GAS2: variants seen among roughly 807,000 people sequenced by gnomAD.
GAS2 encodes growth arrest-specific protein 2.
GAS2 carries 20 observed loss-of-function variants against 37.5 expected under a neutral mutation model. The ratio of observed to expected loss-of-function variants is 0.53; its 90% CI spans 0.37 to 0.77. The LOEUF (loss-of-function observed/expected upper bound fraction) is 0.77. Among genes scored for constraint, GAS2 ranks in the 30% least tolerant of loss-of-function variants. The pLI, the probability that GAS2 is intolerant of heterozygous loss-of-function variation, is 0.00. For missense variants in GAS2, 336 were observed against 373.4 expected, an observed-to-expected ratio of 0.90 and a Z score of 0.82; for synonymous variants, 144 against 132.2, an observed-to-expected ratio of 1.09 and a Z score of -0.61.
intron 1 of GAS2, among the ~76,000 whole-genome samples, chr11:22,649,651 C>T (rs577453267): frequency 2.0e-4 from 31 of 152,052 alleles, no homozygotes; most frequent in East Asian, 3.9e-4. Context: ...CTTGGGAGAG[C>T]GTATGTGTCG....
chr11:22,709,684 T>C (rs1444772042), intron 3 of GAS2, among the ~76,000 whole-genome samples: 5 of 152,138 alleles, frequency 3.3e-5, no homozygotes, highest in African/African-American at 1.2e-4. Flanking sequence ...GGACTATAAA[T>C]CATGCTGCTA....
chr11:22,686,516 G>T (rs1316049159), intron 3 of GAS2, among the ~76,000 whole-genome samples: 1 of 135,016 alleles, frequency 7.4e-6, no homozygotes, highest in Non-Finnish European at 1.5e-5. Flanking sequence ...AGGAGTTTGA[G>T]ACTAGTCTGG....
intron 2 of GAS2, among the ~76,000 whole-genome samples, chr11:22,675,332 C>T (rs1490558115): frequency 6.6e-6 from 1 of 152,158 alleles, no homozygotes; most frequent in Non-Finnish European, 1.5e-5. Flanking sequence ...ATTTGACCTA[C>T]TCTTTTGACA....
At position 22,778,831 on chromosome 11, in the gene GAS2, G is replaced by A. The variant is rs554587697; in HGVS notation, c.723+22878G>A. Among the ~76,000 whole-genome samples the A allele has an allele frequency of 3.6e-3, 542 of 152,250 alleles. 5 individuals carry two copies. The highest frequency in any genetic ancestry group is 0.012 in the African/African-American group (503 of 41,556). Reference sequence around the variant, plus strand: ...CTGTGTATGTGTGCATTTGTTCTGTGAAATGCATTAATATTTCTTTATGTA... The same window carrying A: ...CTGTGTATGTGTGCATTTGTTCTGTAAAATGCATTAATATTTCTTTATGTA... On this transcript the variant is annotated intron_variant, in intron 7 of 7. Transcript: ENST00000454584.
chr11:22,684,911 C>A (rs1849866089), intron 2 of GAS2, among the ~76,000 whole-genome samples: 1 of 152,182 alleles, frequency 6.6e-6, no homozygotes, highest in Non-Finnish European at 1.5e-5. Flanking sequence ...TCAATAGAAT[C>A]TAGAGATATG....
intron 1 of GAS2, among the ~76,000 whole-genome samples, chr11:22,667,598 A>G (rs912088808): frequency 2.6e-5 from 4 of 152,234 alleles, no homozygotes; most frequent in Non-Finnish European, 5.9e-5. Context: ...TGGGGAACAA[A>G]GGAGGCAATT....
chr11:22,627,221 G>A (rs1242104904), intron 1 of GAS2, among the ~76,000 whole-genome samples: 1 of 152,158 alleles, frequency 6.6e-6, no homozygotes, highest in Non-Finnish European at 1.5e-5. Context: ...AACCAAGTGT[G>A]CAGCCTGCCT....
At chr11:22,793,296 A>C (rs1856263303) in intron 7 of GAS2, among the ~76,000 whole-genome samples, 1 of 152,100 alleles carries the variant, frequency 6.6e-6, no homozygotes, top group African/African-American at 2.4e-5. Flanking sequence ...ATAAATTAAA[A>C]ATTAAAAAAA....
intron 1 of GAS2, among the ~76,000 whole-genome samples, chr11:22,627,045 G>A (rs1202062382): frequency 6.6e-6 from 1 of 152,108 alleles, no homozygotes; most frequent in Non-Finnish European, 1.5e-5. Flanking sequence ...CTCCCGCCTC[G>A]GCCTCCCAAA....
At chr11:22,655,416 A>G (rs571388095) in intron 1 of GAS2, among the ~76,000 whole-genome samples, 25 of 152,328 alleles carry the variant, frequency 1.6e-4, no homozygotes, top group Non-Finnish European at 1.5e-4. Context: ...TAGGTACTCA[A>G]TAAAGAGTTC....
chr11:22,792,991 A>G (rs947888072), intron 7 of GAS2, among the ~76,000 whole-genome samples: 7 of 152,232 alleles, frequency 4.6e-5, no homozygotes, highest in Admixed American at 3.9e-4. Context: ...CAAAGAGGCC[A>G]TGGCTGAGCA....
At chr11:22,763,410 T>C (rs1412218031) in intron 7 of GAS2, among the ~76,000 whole-genome samples, 1 of 152,204 alleles carries the variant, frequency 6.6e-6, no homozygotes, top group African/African-American at 2.4e-5. Context: ...TTATGGCACA[T>C]ACTGATTTAC....
chr11:22,746,164 A>G (rs1465644575), intron 5 of GAS2, among the ~76,000 whole-genome samples: 1 of 152,160 alleles, frequency 6.6e-6, no homozygotes, highest in Non-Finnish European at 1.5e-5. Flanking sequence ...CCTAGGTGAC[A>G]GAGCAAGATC....
chr11:22,766,782 A>G (rs1015863558), intron 7 of GAS2, among the ~76,000 whole-genome samples: 3 of 152,192 alleles, frequency 2.0e-5, no homozygotes, highest in African/African-American at 7.2e-5. Context: ...ACTAAGGAAC[A>G]TTTACAATTT....
chr11:22,658,174 C>T (rs934708252), intron 1 of GAS2, among the ~76,000 whole-genome samples: 4 of 152,018 alleles, frequency 2.6e-5, no homozygotes, highest in East Asian at 1.9e-4. Flanking sequence ...TACAGGTGCC[C>T]ACCACCATGC....
At chr11:22,800,203 G>T (rs1335644004) in intron 7 of GAS2, among the ~76,000 whole-genome samples, 1 of 152,036 alleles carries the variant, frequency 6.6e-6, no homozygotes, top group Non-Finnish European at 1.5e-5. Flanking sequence ...TGCGAGCCAG[G>T]TTACTTGTTC....
chr11:22,811,708 C>A (rs1857176326), intron 7 of GAS2, 90 bp from the exon 8 acceptor site: 2 of 1,272,214 alleles, frequency 1.6e-6, no homozygotes, highest in African/African-American at 2.9e-5. Flanking sequence ...AAATACAAAC[C>A]AAAACACTAA....
chr11:22,702,683 A>G (rs902937170), intron 3 of GAS2: 2 of 152,148 alleles, frequency 1.3e-5, no homozygotes, highest in Non-Finnish European at 2.9e-5. Context: ...GCCTTCTCAT[A>G]TGAGCAAAAA....
intron 3 of GAS2, among the ~76,000 whole-genome samples, chr11:22,700,802 G>T (rs530695437): frequency 6.6e-6 from 1 of 152,236 alleles, no homozygotes; most frequent in East Asian, 1.9e-4. Context: ...TCATGAATTT[G>T]CTCACCATTG....
Sources: gnomAD v4.1 joint callset for allele counts (sites outside exome capture counted in the v4.1 genomes callset) on GRCh38, gnomAD v4.1.1 for gene constraint, MANE v1.5 for transcripts, NCBI Gene and HGNC (gene_info 2026-07-23, HGNC 2026-07-21) for gene names.